The following RSPO2 variants were observed in gnomAD, a reference collection of about 807,000 sequenced individuals.
The protein encoded by RSPO2 is R-spondin-2.
Under a neutral mutation model 30.9 loss-of-function variants are expected in RSPO2, and 14 were observed. The observed-to-expected ratio is 0.45, with a 90% CI of 0.30 to 0.71. RSPO2 has a LOEUF of 0.71. Ranked by LOEUF, RSPO2 falls within the 30% of genes least tolerant of loss-of-function variation. RSPO2 has a pLI of 0.08. For synonymous variants in RSPO2, 107 were observed against 96.4 expected, an observed-to-expected ratio of 1.11 and a Z score of -0.64; for missense variants, 264 against 301.9, an observed-to-expected ratio of 0.87 and a Z score of 0.93.
rs773167910 is a variant in RSPO2, at chr8:107,912,319, C to A, written c.617-11129G>T. Reference sequence around the variant, plus strand: ...GACTTAGTGCGAAGTTAACTGCATGCAATTCTAGAGCATAAAGTACTGCTG... The same window carrying A: ...GACTTAGTGCGAAGTTAACTGCATGAAATTCTAGAGCATAAAGTACTGCTG... On this transcript the variant is annotated intron_variant, in intron 5 of 5. Transcript: ENST00000276659. Among the ~76,000 whole-genome samples, 78 of 152,114 alleles carry A rather than the reference C, an allele frequency of 5.1e-4. 1 individual carries two copies. Among genetic ancestry groups the A allele is most frequent in the Non-Finnish European group, 2.8e-4 (19 of 68,022 alleles).
At chr8:107,913,778 T>C (rs1357608683) in intron 5 of RSPO2, among the ~76,000 whole-genome samples, 1 of 152,102 alleles carries the variant, frequency 6.6e-6, no homozygotes, top group African/African-American at 2.4e-5. Context: ...CAACTGAAAA[T>C]GGCATTCTAC....
intron 5 of RSPO2, among the ~76,000 whole-genome samples, chr8:107,921,364 T>A (rs513275): frequency 0.78 from 117,695 of 151,720 alleles, 45,796 homozygotes; most frequent in East Asian, 0.9. Flanking sequence ...TTGTGAGATA[T>A]GAGGCAGTGG....
chr8:108,003,311 ATTTTTTT>A lies in RSPO2; in HGVS notation c.95-14074_95-14068del, dbSNP rs869040336. On this transcript the variant is annotated intron_variant, in intron 2 of 5. Coordinates refer to ENST00000276659, the MANE Select transcript of RSPO2 (RefSeq NM_178565.5). Reference sequence around the variant, plus strand: ...TATATATATATATATATATATATATATTTTTTTTTTTTTTTTTTTTTTTTTTAAGTAG... The same window carrying A: ...TATATATATATATATATATATATATATTTTTTTTTTTTTTTTTTTAAGTAG... Among the ~76,000 whole-genome samples, 30 of 28,990 alleles carry A rather than the reference ATTTTTTT, an allele frequency of 1.0e-3. No individual in the cohort carries two copies. In the South Asian group the frequency reaches 0.013, roughly 13 times the overall value. 19.0% of individuals were successfully genotyped at this position (28,990 alleles called of 152,430 possible).
At chr8:108,031,954 A>T (rs1241566849) in intron 2 of RSPO2, among the ~76,000 whole-genome samples, 1 of 152,220 alleles carries the variant, frequency 6.6e-6, no homozygotes, top group East Asian at 1.9e-4. Context: ...AGATTGGCAG[A>T]GAACAGTAGG....
intron 5 of RSPO2, among the ~76,000 whole-genome samples, chr8:107,912,956 T>C (rs1001535088): frequency 8.5e-5 from 13 of 152,230 alleles, no homozygotes; most frequent in Non-Finnish European, 1.6e-4. Context: ...CCCTATGAAA[T>C]ACTTTATTCC....
At chr8:108,061,727 T>G (rs1184343896) in intron 2 of RSPO2, among the ~76,000 whole-genome samples, 1 of 151,864 alleles carries the variant, frequency 6.6e-6, no homozygotes, top group East Asian at 1.9e-4. Context: ...ATCAACAGAA[T>G]ATACATTCTT....
chr8:107,924,080 C>T (rs944329954), intron 5 of RSPO2, among the ~76,000 whole-genome samples: 3 of 142,940 alleles, frequency 2.1e-5, no homozygotes, highest in African/African-American at 7.4e-5. Flanking sequence ...ACGTGTACCC[C>T]TGAACATACA....
At chr8:107,993,456 C>T (rs1217963525) in intron 2 of RSPO2, among the ~76,000 whole-genome samples, 1 of 152,000 alleles carries the variant, frequency 6.6e-6, no homozygotes, top group African/African-American at 2.4e-5. Flanking sequence ...TCAAAAGAAT[C>T]CAAACAGATA....
chr8:107,909,390 GTA>G (rs2130265585), intron 5 of RSPO2, among the ~76,000 whole-genome samples: 1 of 151,464 alleles, frequency 6.6e-6, no homozygotes, highest in Admixed American at 6.6e-5. Flanking sequence ...AGCCTCCTGA[GTA>G]GCTGGGATTA....
intron 2 of RSPO2, among the ~76,000 whole-genome samples, chr8:108,020,717 A>C (rs1811036467): frequency 6.6e-6 from 1 of 152,202 alleles, no homozygotes; most frequent in South Asian, 2.1e-4. Context: ...AATGATATAC[A>C]ATTCCCTAAC....
intron 3 of RSPO2, among the ~76,000 whole-genome samples, chr8:107,979,530 G>T (rs1814346862): frequency 6.6e-6 from 1 of 152,180 alleles, no homozygotes; most frequent in East Asian, 1.9e-4. Context: ...GGGGACTGTT[G>T]TGGGGTAGCG....
intron 5 of RSPO2, among the ~76,000 whole-genome samples, chr8:107,926,745 A>G (rs1812388880): frequency 6.6e-6 from 1 of 152,034 alleles, no homozygotes; most frequent in Non-Finnish European, 1.5e-5. Context: ...GTTCTGTTCC[A>G]TTGGTCAATA....
intron 2 of RSPO2, among the ~76,000 whole-genome samples, chr8:108,066,050 AAAAAAGAAAAAG>A (rs923493265): frequency 1.3e-5 from 2 of 152,208 alleles, no homozygotes; most frequent in African/African-American, 4.8e-5. Context: ...AAAAAAAAGA[AAAAAAGAAAAAG>A]AAAAAGAAAA....
intron 5 of RSPO2, among the ~76,000 whole-genome samples, chr8:107,916,224 A>G (rs1312549737): frequency 6.6e-6 from 1 of 152,212 alleles, no homozygotes; most frequent in East Asian, 1.9e-4. Flanking sequence ...TTAAGGTCAT[A>G]TATCACATTT....
At chr8:108,032,459 C>T (rs185902599) in intron 2 of RSPO2, among the ~76,000 whole-genome samples, 312 of 152,232 alleles carry the variant, frequency 2.0e-3, no homozygotes, top group African/African-American at 7.1e-3. Flanking sequence ...TACTTATCTT[C>T]CAAATCAATA....
chr8:107,955,141 T>C lies in RSPO2; in HGVS notation c.616+2939A>G, dbSNP rs184215097. Among the ~76,000 whole-genome samples, 109 of 152,258 alleles carry C rather than the reference T, an allele frequency of 7.2e-4. 2 individuals are homozygous for C. Among genetic ancestry groups the C allele is most frequent in the Admixed American group, 7.1e-3 (109 of 15,276 alleles). On this transcript the variant is annotated intron_variant, in intron 5 of 5. Coordinates refer to ENST00000276659, the MANE Select transcript of RSPO2 (RefSeq NM_178565.5). ...ACTGGGAAAGTGTTCAGATCCTTCA[T>C]TGTGAAACTACACTCCTGGCCTTCC...
intron 3 of RSPO2, among the ~76,000 whole-genome samples, chr8:107,971,156 A>C (rs1459413937): frequency 1.3e-5 from 2 of 152,232 alleles, no homozygotes; most frequent in Non-Finnish European, 2.9e-5. Context: ...GAAATATAAT[A>C]ATAGAACGAT....
chr8:107,933,544 A>C (rs1773330354), intron 5 of RSPO2, among the ~76,000 whole-genome samples: 1 of 152,186 alleles, frequency 6.6e-6, no homozygotes, highest in South Asian at 2.1e-4. Context: ...AAAATTGATG[A>C]AACCCATGAA....
intron 3 of RSPO2, among the ~76,000 whole-genome samples, chr8:107,982,059 GAAAC>G (rs1372260236): frequency 7.2e-6 from 1 of 138,492 alleles, no homozygotes; most frequent in African/African-American, 2.6e-5. Context: ...GAAAAAAAAG[GAAAC>G]AAAATGTAGT....
Sources: allele counts gnomAD v4.1 joint callset (sites outside exome capture counted in the v4.1 genomes callset), GRCh38; gene constraint gnomAD v4.1.1; transcripts MANE v1.5; gene names NCBI Gene and HGNC (gene_info 2026-07-23, HGNC 2026-07-21).